Variants in SND1 observed in about 807,000 individuals in gnomAD.
SND1 encodes the protein staphylococcal nuclease and tudor domain containing 1.
Under a neutral mutation model 121.7 loss-of-function variants are expected in SND1, and 38 were observed. That is an observed-to-expected ratio of 0.31 (90% CI 0.24 to 0.41). SND1 has a LOEUF of 0.41. SND1 is among the 10% of genes least tolerant of loss of function. SND1 has a pLI of 1.00. For synonymous variants in SND1, 401 were observed against 447.4 expected, an observed-to-expected ratio of 0.90 and a Z score of 1.31; for missense variants, 868 against 1,184.6, an observed-to-expected ratio of 0.73 and a Z score of 3.92.
chr7:127,736,864 G>A (rs1255734655), intron 10 of SND1, among the ~76,000 whole-genome samples: 8 of 152,078 alleles, frequency 5.3e-5, no homozygotes, highest in African/African-American at 9.7e-5. Context: ...GCTGGGAACC[G>A]GTGAGATGTT....
intron 12 of SND1, among the ~76,000 whole-genome samples, chr7:127,871,442 A>G (rs532375567): frequency 1.3e-5 from 2 of 152,190 alleles, no homozygotes; most frequent in Non-Finnish European, 2.9e-5. Context: ...GCTGCAGGCT[A>G]TGACTACGCA....
rs1793666165 is a variant in SND1 at position 128,085,072 on chromosome 7, C to T, written c.2234+225C>T. On this transcript the variant is annotated intron_variant, in intron 19 of 23. Coordinates refer to ENST00000354725, the MANE Select transcript of SND1 (RefSeq NM_014390.4). The surrounding 1 kb of genome is among the most constrained non-coding windows in gnomAD (Gnocchi z 4.4). ...CAGACAGAAGTGGCTCCTTCCTTGTCTCCTGGGGGATTCCAGGGTGGGAGC... is the reference window on the plus strand; with the variant it reads ...CAGACAGAAGTGGCTCCTTCCTTGTTTCCTGGGGGATTCCAGGGTGGGAGC... Among the ~76,000 whole-genome samples the T allele has an allele frequency of 6.6e-6, 1 of 152,170 alleles. No homozygotes were observed. Among genetic ancestry groups the T allele is most frequent in the African/African-American group, 2.4e-5 (1 of 41,426 alleles).
At chr7:128,008,384 C>T (rs933019958) in intron 16 of SND1, among the ~76,000 whole-genome samples, 6 of 151,900 alleles carry the variant, frequency 3.9e-5, no homozygotes, top group Non-Finnish European at 8.8e-5. Context: ...GCTGTCTATT[C>T]GTGCCAAATC....
At chr7:127,690,171 CAGTGGTTCCTCATATTCCAAGACACTTT>C (rs1448385360) in intron 2 of SND1, among the ~76,000 whole-genome samples, 1 of 152,098 alleles carries the variant, frequency 6.6e-6, no homozygotes, top group Non-Finnish European at 1.5e-5. Flanking sequence ...CCAGACTCTT[CAGTGGTTCCTCATATTCCAAGACACTTT>C]AGTGATTCCT....
intron 16 of SND1, among the ~76,000 whole-genome samples, chr7:128,018,407 C>T (rs932282032): frequency 6.6e-6 from 1 of 152,218 alleles, no homozygotes; most frequent in South Asian, 2.1e-4. Context: ...GATGGGTTTG[C>T]ATGTCAGCAT....
At chr7:127,846,812 T>C (rs1799072560) in intron 12 of SND1, among the ~76,000 whole-genome samples, 1 of 152,188 alleles carries the variant, frequency 6.6e-6, no homozygotes, top group Non-Finnish European at 1.5e-5. Context: ...TTTATTCTTT[T>C]ATTTGATGAT....
chr7:127,949,237 C>T (rs560328991), intron 15 of SND1: 18 of 152,332 alleles, frequency 1.2e-4, no homozygotes, highest in African/African-American at 4.1e-4. Context: ...TCTTGGTGCT[C>T]ATTCTGTTCT....
chr7:127,886,059 A>G lies in SND1; in HGVS notation c.1344-1843A>G, dbSNP rs373172906. ...GGCTGTTGCCTTCTCCATGCTGCCAAACACAACTCTGTGATAATGACAGCA... is the reference window on the plus strand; with the variant it reads ...GGCTGTTGCCTTCTCCATGCTGCCAGACACAACTCTGTGATAATGACAGCA... On this transcript the variant is annotated intron_variant, in intron 12 of 23. Coordinates refer to ENST00000354725, the MANE Select transcript of SND1 (RefSeq NM_014390.4). 6.6e-5 allele frequency among the ~76,000 whole-genome samples: 10 copies of G among 152,054 alleles called. No homozygotes were observed. In the South Asian group the frequency reaches 1.2e-3, roughly 19 times the overall value.
At chr7:127,678,538 G>A (rs770250343) in intron 1 of SND1, among the ~76,000 whole-genome samples, 1 of 148,076 alleles carries the variant, frequency 6.8e-6, no homozygotes, top group Non-Finnish European at 1.5e-5. Flanking sequence ...ATTTAGGTTT[G>A]CCTCTTGTTC....
Position 127,698,969 on chromosome 7 carries a change from T to C in SND1, c.428+16T>C. On this transcript the variant is annotated intron_variant, in intron 4 of 23. Coordinates refer to ENST00000354725, the MANE Select transcript of SND1 (RefSeq NM_014390.4). ...GAGCTAATAAGTAAGTATTCATTAC[T>C]CCGCTGTCTCTCTGACAGCGGTAAA... is the stretch of plus-strand genomic sequence containing the variant. 2 of 1,603,428 alleles carry C rather than the reference T, an allele frequency of 1.2e-6. No individual in the cohort carries two copies. The highest frequency in any genetic ancestry group is 1.7e-6 in the Non-Finnish European group (2 of 1,170,644).
At chr7:127,807,636 C>T in intron 11 of SND1, 63 bp downstream of exon 11, 1 of 1,284,152 alleles carries the variant, frequency 7.8e-7, no homozygotes, top group Non-Finnish European at 1.1e-6. Context: ...CTTTTGGAGG[C>T]AATTGTTATA....
chr7:128,028,973 C>G, intron 16 of SND1: 1 of 1,609,762 alleles, frequency 6.2e-7, no homozygotes, highest in Non-Finnish European at 8.5e-7. Flanking sequence ...CTGTACTCCG[C>G]TGCTGGTGCC....
At chr7:127,796,280 G>A (rs1798024444) in intron 10 of SND1, among the ~76,000 whole-genome samples, 1 of 152,042 alleles carries the variant, frequency 6.6e-6, no homozygotes, top group Admixed American at 6.5e-5. Context: ...GTATAAAGTT[G>A]CAGTGATACA....
At chr7:127,957,298 G>A (rs1801617226) in intron 15 of SND1, among the ~76,000 whole-genome samples, 1 of 152,186 alleles carries the variant, frequency 6.6e-6, no homozygotes, top group Non-Finnish European at 1.5e-5. Flanking sequence ...ACTAACTAGT[G>A]TCCTCTCCTG....
intron 14 of SND1, among the ~76,000 whole-genome samples, chr7:127,923,358 G>T (rs1194273275): frequency 6.6e-6 from 1 of 152,060 alleles, no homozygotes; most frequent in Non-Finnish European, 1.5e-5. Context: ...GTTCTCCTCT[G>T]TGTTCACTTC....
At chr7:127,672,038 G>A (rs568754151) in intron 1 of SND1, among the ~76,000 whole-genome samples, 7 of 152,288 alleles carry the variant, frequency 4.6e-5, no homozygotes, top group Non-Finnish European at 1.0e-4. Flanking sequence ...TTGCCACTTT[G>A]TGCGTGTACA....
chr7:127,760,656 T>C (rs1048010524), intron 10 of SND1, among the ~76,000 whole-genome samples: 1 of 152,248 alleles, frequency 6.6e-6, no homozygotes, highest in Non-Finnish European at 1.5e-5. Context: ...AAGGCACCTC[T>C]CTGCCATACA....
intron 11 of SND1, among the ~76,000 whole-genome samples, chr7:127,812,985 T>G (rs1487277925): frequency 1.3e-5 from 2 of 152,230 alleles, no homozygotes; most frequent in African/African-American, 4.8e-5. Context: ...AAAAGTCCTT[T>G]ACATTAATGA....
intron 16 of SND1, among the ~76,000 whole-genome samples, chr7:128,032,300 C>CCT (rs1231378475): frequency 2.0e-5 from 3 of 151,068 alleles, no homozygotes; most frequent in South Asian, 4.2e-4. Flanking sequence ...CTCCTCTCTT[C>CCT]CTCTCTCCCC....
Sources: allele counts gnomAD v4.1 joint callset (sites outside exome capture counted in the v4.1 genomes callset), GRCh38; gene constraint gnomAD v4.1.1; non-coding constraint Gnocchi (gnomAD v3.1); transcripts MANE v1.5; gene names NCBI Gene and HGNC (gene_info 2026-07-23, HGNC 2026-07-21).